PCM1: variants seen among roughly 807,000 people sequenced by gnomAD.
PCM1 encodes pericentriolar material 1 protein.
In PCM1, 157 loss-of-function variants were observed where a neutral mutation model predicts 241.9. That is an observed-to-expected ratio of 0.65 (90% CI 0.57 to 0.74). The LOEUF (loss-of-function observed/expected upper bound fraction) is 0.74. Ranked by LOEUF, PCM1 falls within the 30% of genes least tolerant of loss-of-function variation. The pLI, the probability that PCM1 is intolerant of heterozygous loss-of-function variation, is 0.00. For synonymous variants in PCM1, 1,085 were observed against 784.9 expected, an observed-to-expected ratio of 1.38 and a Z score of -6.39; for missense variants, 3,478 against 2,360.1, an observed-to-expected ratio of 1.47 and a Z score of -9.81.
rs2094393760 is a variant in PCM1 at position 18,029,141 on chromosome 8, A to G, written c.*1479A>G. 1 of 146,674 alleles carries G rather than the reference A, an allele frequency of 6.8e-6. No homozygotes were observed. Among genetic ancestry groups the G allele is most frequent in the Non-Finnish European group, 1.3e-5 (1 of 75,056 alleles). The allele number at this position is 146,674 out of a possible 1,614,324, so 9.1% of individuals were successfully genotyped here. A position where few individuals can be genotyped will look rare whatever the true frequency, so the allele number is the denominator to read the frequency against. ...CCACTGCACTCCAGCCTGGCAACAG[A>G]GCGAGACTCTGTCTCAAAAAAAAAA... On this transcript the variant is annotated 3_prime_UTR_variant, in exon 39 of 39. Transcript: ENST00000325083.
At chr8:18,018,943 G>A (rs1256783227) in intron 36 of PCM1, among the ~76,000 whole-genome samples, 4 of 84,898 alleles carry the variant, frequency 4.7e-5, no homozygotes, top group African/African-American at 1.4e-4. Flanking sequence ...TAACAAAGTT[G>A]GAGATTTGTT....
At chr8:17,965,769 C>T (rs888522929) in intron 18 of PCM1, among the ~76,000 whole-genome samples, 1 of 152,154 alleles carries the variant, frequency 6.6e-6, no homozygotes, top group African/African-American at 2.4e-5. Context: ...ATTATATGGA[C>T]ACTGCTGTGT....
At chr8:17,944,494 T>G (rs576361237) in intron 6 of PCM1, among the ~76,000 whole-genome samples, 2 of 152,286 alleles carry the variant, frequency 1.3e-5, no homozygotes, top group South Asian at 4.1e-4. Flanking sequence ...TCTCTGAAAT[T>G]GGACTACTAC....
chr8:17,933,768 G>T (rs1037679769), intron 2 of PCM1, among the ~76,000 whole-genome samples: 1 of 151,854 alleles, frequency 6.6e-6, no homozygotes, highest in African/African-American at 2.4e-5. Flanking sequence ...TCTCTTTTCA[G>T]TGGTAATATT....
intron 2 of PCM1, among the ~76,000 whole-genome samples, chr8:17,931,711 A>T (rs146477117): frequency 6.6e-6 from 1 of 152,136 alleles, no homozygotes; most frequent in Non-Finnish European, 1.5e-5. Context: ...TGCTTTTAGT[A>T]CTTTTAAATA....
At chr8:17,982,938 T>G (rs1483439899) in intron 24 of PCM1, among the ~76,000 whole-genome samples, 3 of 152,224 alleles carry the variant, frequency 2.0e-5, no homozygotes, top group Admixed American at 1.3e-4. Context: ...TACGCAGTCT[T>G]CTTCTCCCGT....
At chr8:17,945,257 A>G (rs2063387211) in intron 6 of PCM1, among the ~76,000 whole-genome samples, 1 of 152,170 alleles carries the variant, frequency 6.6e-6, no homozygotes, top group Non-Finnish European at 1.5e-5. Flanking sequence ...TTCCACGGAA[A>G]TGGATGTAAA....
intron 7 of PCM1, among the ~76,000 whole-genome samples, chr8:17,948,144 G>A (rs971923202): frequency 6.6e-5 from 10 of 152,046 alleles, no homozygotes; most frequent in Middle Eastern, 3.4e-3. Context: ...TTGTTTTTGC[G>A]AGTGAGTTAG....
chr8:17,955,524 T>G lies in PCM1; in HGVS notation c.1343T>G (p.Val448Gly). Residue 448 changes from valine to glycine, a missense_variant, in exon 10 of 39, where the codon GTA becomes GGA. Coordinates refer to ENST00000325083, the MANE Select transcript of PCM1 (RefSeq NM_006197.4). ...AGTACTTCAGCTCCCTCTGCTTCTG[T>G]AGGCTTGGCACCGGTTGTCAATGGA... is the stretch of plus-strand genomic sequence containing the variant. The part of the protein sequence containing the change: ...QRSTSAPSAS[V>G]GLAPVVNGES... The G allele has an allele frequency of 6.2e-7, 1 of 1,613,820 alleles. No homozygotes were observed. The highest frequency in any genetic ancestry group is 2.2e-5 in the East Asian group (1 of 44,870).
chr8:17,999,256 C>T (rs376130437), intron 29 of PCM1, among the ~76,000 whole-genome samples: 12 of 152,020 alleles, frequency 7.9e-5, no homozygotes, highest in Non-Finnish European at 1.6e-4. Flanking sequence ...TACGTTGGAT[C>T]TCACCTGAAG....
At chr8:17,943,676 CGTT>C (rs532341701) in intron 6 of PCM1, among the ~76,000 whole-genome samples, 28 of 152,046 alleles carry the variant, frequency 1.8e-4, no homozygotes, top group South Asian at 1.3e-3. Context: ...AAGGCTGTCT[CGTT>C]GTTCTGTTAG....
At chr8:17,933,157 C>T (rs1293381870) in intron 2 of PCM1, among the ~76,000 whole-genome samples, 2 of 152,130 alleles carry the variant, frequency 1.3e-5, no homozygotes, top group African/African-American at 4.8e-5. Context: ...ACATAATGGA[C>T]GTGAAATATT....
At chr8:17,942,553 T>C (rs1434077309) in intron 6 of PCM1, among the ~76,000 whole-genome samples, 4 of 152,164 alleles carry the variant, frequency 2.6e-5, no homozygotes, top group African/African-American at 9.7e-5. Context: ...TTTCATTTGC[T>C]TTTTTTAGAA....
At position 17,939,871 on chromosome 8, in the gene PCM1, C is replaced by T. The variant is rs564800698; in HGVS notation, c.783+10C>T. 5.7e-5 allele frequency: 80 copies of T among 1,400,882 alleles called. No homozygotes were observed. Among genetic ancestry groups the T allele is most frequent in the African/African-American group, 3.9e-4 (27 of 69,378 alleles). 86.8% of individuals were successfully genotyped at this position (1,400,882 alleles called of 1,614,324 possible). Reference sequence around the variant, plus strand: ...TCTTAAAAAAATCCTTGTAAGTATTCGACTTTTAAAATAACATATTATTTT... The same window carrying T: ...TCTTAAAAAAATCCTTGTAAGTATTTGACTTTTAAAATAACATATTATTTT... On this transcript the variant is annotated intron_variant, in intron 6 of 38. Transcript: ENST00000325083.
At chr8:17,978,479 A>G (rs1178008063) in intron 23 of PCM1, among the ~76,000 whole-genome samples, 1 of 152,020 alleles carries the variant, frequency 6.6e-6, no homozygotes, top group Non-Finnish European at 1.5e-5. Flanking sequence ...TCCATATGAA[A>G]GACCAAGTTG....
chr8:17,969,572 AT>A lies in PCM1; in HGVS notation c.3413-3del, dbSNP rs1202053802. 2 of 1,581,504 alleles carry A rather than the reference AT, an allele frequency of 1.3e-6. No homozygotes were observed. Among genetic ancestry groups the A allele is most frequent in the African/African-American group, 2.7e-5 (2 of 73,306 alleles). ...TTTCTCTTACCCATTGCTTTTACTG[AT>A]TAGGTATGAATTTCAGCCCTTTATT... is the stretch of plus-strand genomic sequence containing the variant. On this transcript the variant is annotated splice_region_variant and splice_polypyrimidine_tract_variant and intron_variant, in intron 21 of 38. Transcript: ENST00000325083.
chr8:18,008,719 CT>C (rs1356677803), intron 30 of PCM1, among the ~76,000 whole-genome samples: 3 of 152,178 alleles, frequency 2.0e-5, no homozygotes, highest in South Asian at 2.1e-4. Context: ...TTTCTGCCCC[CT>C]GATCTGACTT....
rs755267937 is a variant in PCM1, at chr8:17,933,598, T to C, written c.-22-1991T>C. ...ACATTTTTTCTCCCATATTGTTTTA[T>C]AGAGTTTAATAGTGCTTCTTGACAT... On this transcript the variant is annotated intron_variant, in intron 2 of 38. Coordinates refer to ENST00000325083, the MANE Select transcript of PCM1 (RefSeq NM_006197.4). Among the ~76,000 whole-genome samples the C allele has an allele frequency of 1.3e-4, 20 of 152,324 alleles. No homozygotes were observed. The South Asian group carries it at 1.4e-3, about 11-fold the overall frequency.
chr8:17,995,070 C>A (rs999060821), intron 29 of PCM1, among the ~76,000 whole-genome samples: 14 of 151,400 alleles, frequency 9.2e-5, no homozygotes, highest in Admixed American at 2.6e-4. Context: ...GTTGCCAGTG[C>A]TTGTGGGGTA....
Sources: gnomAD v4.1 joint callset for allele counts (sites outside exome capture counted in the v4.1 genomes callset) on GRCh38, gnomAD v4.1.1 for gene constraint, MANE v1.5 for transcripts, NCBI Gene and HGNC (gene_info 2026-07-23, HGNC 2026-07-21) for gene names.